TMEM132D: variants seen among roughly 807,000 people sequenced by gnomAD.
The protein encoded by TMEM132D is transmembrane protein 132D.
A neutral mutation model predicts 62.3 loss-of-function variants in TMEM132D; 21 were observed. The observed-to-expected ratio is 0.34, with a 90% CI of 0.24 to 0.49. The LOEUF is 0.49. Ranked by LOEUF, TMEM132D falls within the 20% of genes least tolerant of loss-of-function variation. The pLI is 0.99. For missense variants in TMEM132D, 1,346 were observed against 1,402.8 expected (o/e 0.96, Z 0.65); for synonymous variants, 621 against 575.6 (o/e 1.08, Z -1.13).
intron 3 of TMEM132D, among the ~76,000 whole-genome samples, chr12:129,346,854 CAA>C (rs770829941): frequency 6.6e-6 from 1 of 152,180 alleles, no homozygotes; most frequent in Non-Finnish European, 1.5e-5. Flanking sequence ...GCAACTTCGG[CAA>C]AGTCTTAGGA....
chr12:129,093,721 C>T (rs1875006984), intron 5 of TMEM132D, among the ~76,000 whole-genome samples: 1 of 152,152 alleles, frequency 6.6e-6, no homozygotes, highest in Non-Finnish European at 1.5e-5. Context: ...GAGCCCGCAT[C>T]ACCAAGTCAA....
intron 5 of TMEM132D, among the ~76,000 whole-genome samples, chr12:129,102,465 A>G (rs1875341976): frequency 6.7e-6 from 1 of 149,156 alleles, no homozygotes; most frequent in South Asian, 2.2e-4. Context: ...GCACATGCAT[A>G]CACATGTACT....
chr12:129,415,909 A>C (rs946619985), intron 3 of TMEM132D, among the ~76,000 whole-genome samples: 12 of 152,070 alleles, frequency 7.9e-5, no homozygotes, highest in African/African-American at 2.9e-4. Context: ...TTCTCTGTTA[A>C]TCATTGGCCA....
chr12:129,539,405 C>G (rs376692469), intron 2 of TMEM132D, among the ~76,000 whole-genome samples: 23 of 117,014 alleles, frequency 2.0e-4, no homozygotes, highest in Admixed American at 1.8e-3. Context: ...CTAATTTTTT[C>G]TTTTTTTTTT....
chr12:129,206,305 A>G (rs1314091347), intron 5 of TMEM132D, among the ~76,000 whole-genome samples: 1 of 152,240 alleles, frequency 6.6e-6, no homozygotes, highest in Admixed American at 6.5e-5. Context: ...ATGAACAGAC[A>G]TTTTTCAAAA....
In TMEM132D at chr12:129,124,308, G is replaced by A. The variant is rs367642762; in HGVS notation, c.1444-39606C>T. Among the ~76,000 whole-genome samples, 19 of 152,046 alleles carry A rather than the reference G, an allele frequency of 1.2e-4. No homozygotes were observed. The East Asian group carries it at 3.3e-3, about 26-fold the overall frequency. On this transcript the variant is annotated intron_variant, in intron 5 of 8. Transcript: ENST00000422113. ...CCCCAAGACTCACCTTGAACGTAGAGGTACTTCTATTTCCCAAAATAGGAA... is the reference window on the plus strand; with the variant it reads ...CCCCAAGACTCACCTTGAACGTAGAAGTACTTCTATTTCCCAAAATAGGAA...
At chr12:129,759,238 G>A (rs2137273419) in intron 1 of TMEM132D, among the ~76,000 whole-genome samples, 1 of 152,290 alleles carries the variant, frequency 6.6e-6, no homozygotes, top group South Asian at 2.1e-4. Context: ...CGGGTCACGT[G>A]TTTAAAATTT....
rs554067538 is a variant in TMEM132D, at chr12:129,900,660, C to T, written c.79+2601G>A. On this transcript the variant is annotated intron_variant, in intron 1 of 8. Coordinates refer to ENST00000422113, the MANE Select transcript of TMEM132D (RefSeq NM_133448.3). ...TCTGCCCAACTCCAATCTCCTCACC[C>T]ATTTTTCCTCTCAGCCCACCCTCCA... Among the ~76,000 whole-genome samples the T allele has an allele frequency of 1.1e-4, 17 of 152,280 alleles. No homozygotes were observed. The South Asian group carries it at 3.5e-3, about 32-fold the overall frequency.
chr12:129,261,188 G>A (rs984931283), intron 4 of TMEM132D, among the ~76,000 whole-genome samples: 6 of 152,000 alleles, frequency 3.9e-5, no homozygotes, highest in Admixed American at 1.3e-4. Flanking sequence ...AGTTTGCTAG[G>A]GCTACCATAA....
intron 2 of TMEM132D, among the ~76,000 whole-genome samples, chr12:129,619,005 A>C (rs1261298032): frequency 6.6e-6 from 1 of 152,182 alleles, no homozygotes; most frequent in Admixed American, 6.5e-5. Context: ...GAAAGGAATA[A>C]CTGGGTTGAG....
At chr12:129,377,302 C>T (rs1436290499) in intron 3 of TMEM132D, among the ~76,000 whole-genome samples, 1 of 152,118 alleles carries the variant, frequency 6.6e-6, no homozygotes, top group East Asian at 1.9e-4. Context: ...AGAAAATAAA[C>T]TCCTGTTGGT....
intron 2 of TMEM132D, among the ~76,000 whole-genome samples, chr12:129,577,221 A>T (rs908005662): frequency 1.3e-5 from 2 of 152,012 alleles, no homozygotes; most frequent in African/African-American, 4.8e-5. Flanking sequence ...GGCTAGCAGC[A>T]CACAGGGATT....
chr12:129,902,015 G>A (rs1875374902), intron 1 of TMEM132D, among the ~76,000 whole-genome samples: 2 of 152,186 alleles, frequency 1.3e-5, no homozygotes, highest in East Asian at 1.9e-4. Context: ...CTGATCCCAG[G>A]GATTGTTCTA....
intron 4 of TMEM132D, among the ~76,000 whole-genome samples, chr12:129,226,407 G>A (rs1334246688): frequency 6.6e-6 from 1 of 152,210 alleles, no homozygotes. Flanking sequence ...GACTTAAGAG[G>A]CATCTCAAGG....
chr12:129,589,050 G>A (rs1314689379), intron 2 of TMEM132D, among the ~76,000 whole-genome samples: 1 of 151,948 alleles, frequency 6.6e-6, no homozygotes, highest in East Asian at 1.9e-4. Context: ...TAAACAAGTA[G>A]GAGACATCAG....
chr12:129,261,157 T>A (rs901878710), intron 4 of TMEM132D, among the ~76,000 whole-genome samples: 21 of 152,102 alleles, frequency 1.4e-4, no homozygotes, highest in African/African-American at 5.1e-4. Flanking sequence ...AAGTGAGATT[T>A]TTTTAAAAGG....
intron 2 of TMEM132D, among the ~76,000 whole-genome samples, chr12:129,613,746 C>T (rs1878839795): frequency 1.5e-5 from 2 of 137,056 alleles, no homozygotes; most frequent in Admixed American, 1.4e-4. Context: ...GGACTGTCTC[C>T]AGAACCAAGG....
intron 3 of TMEM132D, among the ~76,000 whole-genome samples, chr12:129,412,191 G>C (rs930317022): frequency 2.0e-5 from 3 of 151,992 alleles, no homozygotes; most frequent in African/African-American, 7.2e-5. Context: ...GCAGAGTCCA[G>C]ATTCCTAACC....
chr12:129,726,643 G>T (rs1011895978), intron 1 of TMEM132D, among the ~76,000 whole-genome samples: 3 of 152,186 alleles, frequency 2.0e-5, no homozygotes, highest in Non-Finnish European at 4.4e-5. Flanking sequence ...TTGTCTTGCT[G>T]CTGTGTGCAG....
Sources: gnomAD v4.1 joint callset for allele counts (sites outside exome capture counted in the v4.1 genomes callset) on GRCh38, gnomAD v4.1.1 for gene constraint, MANE v1.5 for transcripts, NCBI Gene and HGNC (gene_info 2026-07-23, HGNC 2026-07-21) for gene names.